The following MICALL2 variants were observed in gnomAD, a reference collection of about 807,000 sequenced individuals.
The protein encoded by MICALL2 is MICAL-like protein 2.
A neutral mutation model predicts 91.1 loss-of-function variants in MICALL2; 111 were observed. The observed-to-expected ratio is 1.22, with a 90% CI of 1.04 to 1.43. The LOEUF is 1.43. Among genes scored for constraint, MICALL2 ranks in the 40% most tolerant of loss-of-function variants. The pLI is 0.00. For synonymous variants in MICALL2, 694 were observed against 525.3 expected (o/e 1.32, Z -4.39); for missense variants, 1,556 against 1,236.0 (o/e 1.26, Z -3.88).
chr7:1,440,429 C>T lies in MICALL2; in HGVS notation c.1805+162G>A, dbSNP rs189706718. On this transcript the variant is annotated intron_variant, in intron 8 of 16. Coordinates refer to ENST00000297508, the MANE Select transcript of MICALL2 (RefSeq NM_182924.4). ...AACGCTGCCCCCAAACCAGGGACAG[C>T]GGCCCCCATGTCCCTCAGGCAGGGG... 6.7e-3 allele frequency: 4,615 copies of T among 687,218 alleles called. 22 individuals carry two copies. The highest frequency in any genetic ancestry group is 8.8e-3 in the Non-Finnish European group (3,509 of 397,662). 42.6% of individuals were successfully genotyped at this position (687,218 alleles called of 1,614,324 possible).
intron 3 of MICALL2, 93 bp downstream of exon 3, chr7:1,448,527 G>A: frequency 8.0e-7 from 1 of 1,249,204 alleles, no homozygotes; most frequent in Non-Finnish European, 1.2e-6. Context: ...GGGGGGGCTG[G>A]GCATGGACCC....
chr7:1,439,714 G>C (rs939132374), intron 9 of MICALL2: 2 of 438,260 alleles, frequency 4.6e-6, no homozygotes, highest in Non-Finnish European at 7.9e-6. Context: ...ATGGATACAG[G>C]CATCACATAC....
intron 16 of MICALL2, 124 bp downstream of exon 16, chr7:1,434,977 C>T (rs929879353): frequency 3.1e-5 from 23 of 730,592 alleles, no homozygotes; most frequent in Non-Finnish European, 4.9e-5. Context: ...GGGGGGGACC[C>T]GATACCCGCC....
intron 16 of MICALL2, 136 bp downstream of exon 16, chr7:1,434,965 G>T (rs1321667781): frequency 3.1e-6 from 3 of 968,640 alleles, no homozygotes; most frequent in African/African-American, 3.2e-5. Context: ...CACCAAGGCT[G>T]AGGGGGGGAC....
Position 1,444,705 on chromosome 7 carries a change from G to A in MICALL2, c.1365C>T (p.Phe455=). 6.2e-7 allele frequency: 1 copy of A among 1,612,304 alleles called. No individual in the cohort carries two copies. The highest frequency in any genetic ancestry group is 1.1e-5 in the South Asian group (1 of 91,076). Residue 455 remains phenylalanine, a synonymous_variant, in exon 6 of 17, where the codon TTC becomes TTT. Coordinates refer to ENST00000297508, the MANE Select transcript of MICALL2 (RefSeq NM_182924.4). ...KDSSKEQARN[F]LKQALSALEE... ...CCAGCGCTGAGAGGGCCTGCTTGAG[G>A]AAGTTCCGCGCCTGCTCCTTGCTGC...
intron 3 of MICALL2, 50 bp from the exon 4 acceptor site, chr7:1,447,815 G>A: frequency 7.2e-6 from 10 of 1,387,412 alleles, no homozygotes; most frequent in Non-Finnish European, 9.6e-6. Flanking sequence ...GGCTCTGAAA[G>A]GGTCTAGTCC....
chr7:1,439,734 T>C (rs977408541), intron 9 of MICALL2, 191 bp downstream of exon 9: 3 of 454,940 alleles, frequency 6.6e-6, no homozygotes, highest in African/African-American at 4.1e-5. Flanking sequence ...CATGAACACA[T>C]GCACACATGC....
In MICALL2 at chr7:1,451,205, C is replaced by T. The variant is rs1258064128; in HGVS notation, c.144-917G>A. ...TGGGGACGCCAAGAGGACAGCCCCA[C>T]GTGACCTCCAGCTGGTCCTGGGACT... is the stretch of plus-strand genomic sequence containing the variant. On this transcript the variant is annotated intron_variant, in intron 1 of 16. Coordinates refer to ENST00000297508, the MANE Select transcript of MICALL2 (RefSeq NM_182924.4). The surrounding 1 kb of genome is among the most constrained non-coding windows in gnomAD (Gnocchi z 4.5). Among the ~76,000 whole-genome samples, 1 of 152,088 alleles carries T rather than the reference C, an allele frequency of 6.6e-6. No individual in the cohort carries two copies. The highest frequency in any genetic ancestry group is 2.4e-5 in the African/African-American group (1 of 41,406).
chr7:1,434,523 C>A lies in MICALL2; in HGVS notation c.*73G>T, dbSNP rs776163351. ...CCGAGTACAAGTCCGGGTTCCGGGT[C>A]CGGGCCAAGCCCATGGCCCCGAGTC... On this transcript the variant is annotated 3_prime_UTR_variant, in exon 17 of 17. Transcript: ENST00000297508. The A allele has an allele frequency of 1.5e-6, 2 of 1,371,556 alleles. No homozygotes were observed. The highest frequency in any genetic ancestry group is 1.2e-5 in the South Asian group (1 of 86,034). The allele number at this position is 1,371,556 out of a possible 1,614,324, so 85.0% of individuals were successfully genotyped here.
At chr7:1,437,329 A>C (rs1378886749) in intron 14 of MICALL2, 2 of 501,470 alleles carry the variant, frequency 4.0e-6, no homozygotes, top group Non-Finnish European at 7.1e-6. Flanking sequence ...AGAGGATGAA[A>C]CCCAAGCACA....
rs748916625 is a variant in MICALL2, at chr7:1,440,060, C to T, written c.1831G>A (p.Ala611Thr). 4.4e-6 allele frequency: 7 copies of T among 1,588,036 alleles called. No individual in the cohort carries two copies. The Admixed American group carries it at 7.4e-5, about 17-fold the overall frequency. Residue 611 changes from alanine (A) to threonine (T), a missense_variant, in exon 9 of 17, where the codon GCC becomes ACC. Ala to Thr is a moderately conservative substitution (Grantham distance 58). Coordinates refer to ENST00000297508, the MANE Select transcript of MICALL2 (RefSeq NM_182924.4). ...TCCCCCGCCCTCGGCTCTGCCAGGG[C>T]CCGTGGTTCCTTGGGCTTCAGAGTC... ...ERTLKPKEPR[A>T]LAEPRAGEAP... is the part of the protein sequence containing the mutation.
intron 9 of MICALL2, 153 bp from the exon 10 acceptor site, chr7:1,439,148 A>G: frequency 6.2e-6 from 4 of 641,190 alleles, no homozygotes; most frequent in South Asian, 6.1e-5. Flanking sequence ...CACAAGCCCT[A>G]CACCCACGTC....
At position 1,442,021 on chromosome 7, in the gene MICALL2, C is replaced by T. The variant is rs191247816; in HGVS notation, c.1711+171G>A. On this transcript the variant is annotated intron_variant, in intron 7 of 16. Coordinates refer to ENST00000297508, the MANE Select transcript of MICALL2 (RefSeq NM_182924.4). ...ACATTTGCAGCCACCACACAGAGAG[C>T]GCACCAGGACCCCAGGAGGCTGCGA... The T allele has an allele frequency of 2.4e-4, 184 of 760,228 alleles. 1 individual carries two copies. Among genetic ancestry groups the T allele is most frequent in the Admixed American group, 1.6e-3 (65 of 40,332 alleles). 47.1% of individuals were successfully genotyped at this position (760,228 alleles called of 1,614,324 possible). A position where few individuals can be genotyped will look rare whatever the true frequency, so the allele number is the denominator to read the frequency against.
intron 16 of MICALL2, 167 bp from the exon 17 acceptor site, chr7:1,434,839 C>T (rs890994924): frequency 1.5e-4 from 119 of 774,576 alleles, no homozygotes; most frequent in Non-Finnish European, 2.2e-4. Flanking sequence ...GAACCTGCCC[C>T]GACTGGGTGC....
Position 1,444,685 on chromosome 7 carries a change from G to T in MICALL2, c.1385C>A (p.Ala462Glu). 2 of 1,611,898 alleles carry T rather than the reference G, an allele frequency of 1.2e-6. No homozygotes were observed. The highest frequency in any genetic ancestry group is 1.7e-6 in the Non-Finnish European group (2 of 1,179,808). The change falls in exon 6 of 17, where the codon GCG becomes GAG. Residue 462 changes from alanine (A) to glutamate (E), a missense_variant. Transcript: ENST00000297508. Reference protein sequence around the residue: ...ARNFLKQALSALEEAGAPAPG... With the variant: ...ARNFLKQALSELEEAGAPAPG... ...CGCCGGAGCGCCAGCCTCTTCCAGC[G>T]CTGAGAGGGCCTGCTTGAGGAAGTT...
At chr7:1,440,259 G>A in intron 8 of MICALL2, 174 bp from the exon 9 acceptor site, 1 of 761,652 alleles carries the variant, frequency 1.3e-6, no homozygotes, top group Non-Finnish European at 2.1e-6. Context: ...AAACACACGT[G>A]TCCATCGCTA....
At chr7:1,437,748 CA>C in intron 13 of MICALL2, 140 bp from the exon 14 acceptor site, 1 of 1,230,422 alleles carries the variant, frequency 8.1e-7, no homozygotes, top group Non-Finnish European at 1.2e-6. Flanking sequence ...CCGCCTGGCC[CA>C]CCCAGACCGC....
intron 1 of MICALL2, among the ~76,000 whole-genome samples, chr7:1,454,422 C>T (rs887696139): frequency 4.5e-5 from 6 of 134,748 alleles, no homozygotes; most frequent in African/African-American, 1.7e-4. Context: ...TCAGAGACAG[C>T]GAGGACATGG....
chr7:1,446,272 A>G (rs1199315076), intron 5 of MICALL2, among the ~76,000 whole-genome samples: 2 of 45,034 alleles, frequency 4.4e-5, no homozygotes, highest in Admixed American at 2.7e-4. Context: ...GGGAGGAGGG[A>G]GAGAAGGGGG....
Sources: gnomAD v4.1 joint callset for allele counts (sites outside exome capture counted in the v4.1 genomes callset) on GRCh38, gnomAD v4.1.1 for gene constraint, Gnocchi (gnomAD v3.1) non-coding constraint, MANE v1.5 for transcripts, NCBI Gene and HGNC (gene_info 2026-07-23, HGNC 2026-07-21) for gene names.